CNBP: variants seen among roughly 807,000 people sequenced by gnomAD.
The protein encoded by CNBP is cellular nucleic acid-binding protein.
In CNBP, 6 loss-of-function variants were observed where a neutral mutation model predicts 21.2. The observed-to-expected ratio is 0.28, with a 90% CI of 0.16 to 0.56. CNBP has a LOEUF of 0.56. Among genes scored for constraint, CNBP ranks in the 20% least tolerant of loss-of-function variants. CNBP has a pLI of 0.93. For synonymous variants in CNBP, 61 were observed against 74.9 expected (o/e 0.81, Z 0.96); for missense variants, 112 against 233.1 (o/e 0.48, Z 3.38).
Position 129,168,749 on chromosome 3 carries a change from T to C in CNBP, c.*1704A>G. On this transcript the variant is annotated 3_prime_UTR_variant, in exon 5 of 5. Coordinates refer to ENST00000422453, the MANE Select transcript of CNBP (RefSeq NM_003418.5). The stretch of plus-strand genomic sequence containing the variant: ...GGCGGGGCAGGTGGATCACCTGAGG[T>C]CAGGAGTTGGAGACCAGCCCGACCA... Among the ~76,000 whole-genome samples, 1 of 148,128 alleles carries C rather than the reference T, an allele frequency of 6.8e-6. No homozygotes were observed. Among genetic ancestry groups the C allele is most frequent in the Non-Finnish European group, 1.5e-5 (1 of 67,170 alleles).
In CNBP at chr3:129,170,133, C is replaced by A. The variant is rs1937541939; in HGVS notation, c.*320G>T. ...ATTGGTTTTACCTCCTACATGGGAA[C>A]ATGTTCAAGGAACCCAGGACGGGCT... On this transcript the variant is annotated 3_prime_UTR_variant, in exon 5 of 5. Coordinates refer to ENST00000422453, the MANE Select transcript of CNBP (RefSeq NM_003418.5). 6.4e-6 allele frequency: 2 copies of A among 310,812 alleles called. No homozygotes were observed. The highest frequency in any genetic ancestry group is 7.7e-5 in the South Asian group (1 of 12,962). The allele number at this position is 310,812 out of a possible 1,614,324, so 19.3% of individuals were successfully genotyped here. A position where few individuals can be genotyped will look rare whatever the true frequency, so the allele number is the denominator to read the frequency against.
chr3:129,169,571 T>C lies in CNBP; in HGVS notation c.*882A>G, dbSNP rs1245026739. ...TTGAAACAAACAAAAAGAACTTTAG[T>C]CAAACTCCCCTTCCTCCTCCAGCTT... On this transcript the variant is annotated 3_prime_UTR_variant, in exon 5 of 5. Transcript: ENST00000422453. 4.8e-6 allele frequency: 1 copy of C among 207,990 alleles called. No individual in the cohort carries two copies. Among genetic ancestry groups the C allele is most frequent in the African/African-American group, 2.3e-5 (1 of 43,892 alleles). The allele number at this position is 207,990 out of a possible 1,614,324, so 12.9% of individuals were successfully genotyped here.
intron 1 of CNBP, among the ~76,000 whole-genome samples, chr3:129,179,067 C>T (rs778750429): frequency 6.6e-6 from 1 of 151,994 alleles, no homozygotes; most frequent in African/African-American, 2.4e-5. Context: ...CACCAAAGGT[C>T]GGGAGCTCAG....
chr3:129,174,368 A>AAC (rs1484593872), intron 1 of CNBP, among the ~76,000 whole-genome samples: 3 of 149,688 alleles, frequency 2.0e-5, no homozygotes, highest in Non-Finnish European at 4.4e-5. Context: ...AAAAAAAAAA[A>AAC]AAAAAACGAA....
At chr3:129,183,260 T>C (rs1028299380) in intron 1 of CNBP, among the ~76,000 whole-genome samples, 1 of 152,110 alleles carries the variant, frequency 6.6e-6, no homozygotes, top group Non-Finnish European at 1.5e-5. Flanking sequence ...AGAACCCTTT[T>C]CTAAGGCCCC....
At position 129,169,489 on chromosome 3, in the gene CNBP, G is replaced by A; in HGVS notation, c.*964C>T. 5.0e-6 allele frequency: 1 copy of A among 200,894 alleles called. No homozygotes were observed. Among genetic ancestry groups the A allele is most frequent in the Middle Eastern group, 1.7e-3 (1 of 600 alleles). The allele number at this position is 200,894 out of a possible 1,614,324, so 12.4% of individuals were successfully genotyped here. Reference sequence around the variant, plus strand: ...GAAAAGTCCAAACTGTCAGCTTTCAGTCCTCCACATTCCCCTCTTTAATAT... The same window carrying A: ...GAAAAGTCCAAACTGTCAGCTTTCAATCCTCCACATTCCCCTCTTTAATAT... On this transcript the variant is annotated 3_prime_UTR_variant, in exon 5 of 5. Coordinates refer to ENST00000422453, the MANE Select transcript of CNBP (RefSeq NM_003418.5).
chr3:129,182,367 C>A (rs1318454102), intron 1 of CNBP, among the ~76,000 whole-genome samples: 1 of 152,176 alleles, frequency 6.6e-6, no homozygotes, highest in African/African-American at 2.4e-5. Flanking sequence ...TAGCTAAAAT[C>A]ACAGACGATT....
At position 129,169,539 on chromosome 3, in the gene CNBP, T is replaced by G. The variant is rs1937532809; in HGVS notation, c.*914A>C. ...TGGTATTTTGCACTATATACATTAA[T>G]GAAAATTTGAAACAAACAAAAAGAA... On this transcript the variant is annotated 3_prime_UTR_variant, in exon 5 of 5. Coordinates refer to ENST00000422453, the MANE Select transcript of CNBP (RefSeq NM_003418.5). 1 of 203,724 alleles carries G rather than the reference T, an allele frequency of 4.9e-6. No homozygotes were observed. The highest frequency in any genetic ancestry group is 1.0e-5 in the Non-Finnish European group (1 of 99,160). 12.6% of individuals were successfully genotyped at this position (203,724 alleles called of 1,614,324 possible). A position where few individuals can be genotyped will look rare whatever the true frequency, so the allele number is the denominator to read the frequency against.
chr3:129,171,356 A>C, intron 3 of CNBP, 79 bp from the exon 4 acceptor site: 1 of 1,600,844 alleles, frequency 6.2e-7, no homozygotes, highest in Non-Finnish European at 8.6e-7. Flanking sequence ...TACAATACAA[A>C]ACCTCAAAGG....
Position 129,168,428 on chromosome 3 carries a change from T to C in CNBP, c.*2025A>G, listed in dbSNP as rs1018830744. Among the ~76,000 whole-genome samples, 1 of 148,278 alleles carries C rather than the reference T, an allele frequency of 6.7e-6. No individual in the cohort carries two copies. Among genetic ancestry groups the C allele is most frequent in the African/African-American group, 2.5e-5 (1 of 39,980 alleles). ...CTGACCAACACAGTGAAACCCCATCTCTACTAAAAATAACAAAAATTAGCT... is the reference window on the plus strand; with the variant it reads ...CTGACCAACACAGTGAAACCCCATCCCTACTAAAAATAACAAAAATTAGCT... On this transcript the variant is annotated 3_prime_UTR_variant, in exon 5 of 5. Transcript: ENST00000422453.
intron 1 of CNBP, among the ~76,000 whole-genome samples, chr3:129,183,363 G>T (rs1040167634): frequency 2.6e-5 from 4 of 152,146 alleles, no homozygotes; most frequent in African/African-American, 9.7e-5. Context: ...TCCGCAGCCG[G>T]GAGCCTTTCC....
intron 1 of CNBP, among the ~76,000 whole-genome samples, chr3:129,177,548 T>C (rs564729779): frequency 4.3e-4 from 65 of 152,364 alleles, no homozygotes; most frequent in African/African-American, 1.5e-3. Context: ...CCTTCCACTT[T>C]CGCCAATTAC....
intron 1 of CNBP, among the ~76,000 whole-genome samples, chr3:129,172,736 G>A (rs1267440968): frequency 8.1e-6 from 1 of 122,968 alleles, no homozygotes. Flanking sequence ...ACACACACTG[G>A]CAGTAATACT....
intron 1 of CNBP, among the ~76,000 whole-genome samples, chr3:129,182,412 G>C (rs374569325): frequency 2.0e-5 from 3 of 152,142 alleles, no homozygotes; most frequent in African/African-American, 7.2e-5. Flanking sequence ...AGACCCCCAA[G>C]ACCAGAAACA....
chr3:129,183,025 C>G (rs950544629), intron 1 of CNBP, among the ~76,000 whole-genome samples: 4 of 152,066 alleles, frequency 2.6e-5, no homozygotes, highest in Non-Finnish European at 4.4e-5. Context: ...GATCTCGGCT[C>G]ACCACAACCT....
rs1317171582 is a variant in CNBP at position 129,168,430 on chromosome 3, T to C, written c.*2023A>G. 6.9e-6 allele frequency among the ~76,000 whole-genome samples: 1 copy of C among 145,478 alleles called. No homozygotes were observed. Among genetic ancestry groups the C allele is most frequent in the Non-Finnish European group, 1.5e-5 (1 of 67,138 alleles). Reference sequence around the variant, plus strand: ...GACCAACACAGTGAAACCCCATCTCTACTAAAAATAACAAAAATTAGCTGG... The same window carrying C: ...GACCAACACAGTGAAACCCCATCTCCACTAAAAATAACAAAAATTAGCTGG... On this transcript the variant is annotated 3_prime_UTR_variant, in exon 5 of 5. Transcript: ENST00000422453.
chr3:129,175,026 A>G (rs937669237), intron 1 of CNBP, among the ~76,000 whole-genome samples: 3 of 152,076 alleles, frequency 2.0e-5, no homozygotes, highest in African/African-American at 7.2e-5. Context: ...GTGAAACTCC[A>G]TCTCTACTAA....
rs1366791993 is a variant in CNBP, at chr3:129,168,343, T to C, written c.*2110A>G. 1.3e-5 allele frequency among the ~76,000 whole-genome samples: 2 copies of C among 151,984 alleles called. No homozygotes were observed. The highest frequency in any genetic ancestry group is 4.8e-5 in the African/African-American group (2 of 41,366). ...AGGAATCCACCACTTCAGATCCTTA[T>C]GAAACCCAGGAAAAGGTGGGGCACA... On this transcript the variant is annotated 3_prime_UTR_variant, in exon 5 of 5. Coordinates refer to ENST00000422453, the MANE Select transcript of CNBP (RefSeq NM_003418.5).
chr3:129,179,848 A>C (rs967471977), intron 1 of CNBP, among the ~76,000 whole-genome samples: 1 of 152,160 alleles, frequency 6.6e-6, no homozygotes, highest in Admixed American at 6.5e-5. Context: ...AAAACTAAAA[A>C]AACAAAAATT....
Sources: gnomAD v4.1 joint callset for allele counts (sites outside exome capture counted in the v4.1 genomes callset) on GRCh38, gnomAD v4.1.1 for gene constraint, MANE v1.5 for transcripts, NCBI Gene and HGNC (gene_info 2026-07-23, HGNC 2026-07-21) for gene names.